BRCA1: variants seen among roughly 807,000 people sequenced by gnomAD.
BRCA1 encodes BRCA1 DNA repair associated.
Under a neutral mutation model 173.7 loss-of-function variants are expected in BRCA1, and 140 were observed. That is an observed-to-expected ratio of 0.81 (90% CI 0.70 to 0.93). The LOEUF is 0.93. Ranked by LOEUF, BRCA1 falls within the 40% of genes least tolerant of loss-of-function variation. The probability of loss-of-function intolerance (pLI) is 0.00; values close to 1 mark genes in which losing one functional copy is unlikely to be tolerated. For synonymous variants in BRCA1, 662 were observed against 756.0 expected (o/e 0.88, Z 2.04); for missense variants, 1,983 against 2,172.5 (o/e 0.91, Z 1.73).
rs56214134 is a variant in BRCA1, at chr17:43,091,931, C to G, written c.3600G>C (p.Gln1200His). ...PSPFTHTHLA[Q>H]GYRRGAKKLE... Reference sequence around the variant, plus strand: ...ATTTCTTGGCCCCTCTTCGGTAACCCTGAGCCAAATGTGTATGGGTGAAAG... The same window carrying G: ...ATTTCTTGGCCCCTCTTCGGTAACCGTGAGCCAAATGTGTATGGGTGAAAG... The change falls in exon 10 of 23, where the codon CAG becomes CAC. Residue 1200 changes from glutamine to histidine, a missense_variant. By Grantham distance (24) the Gln-to-His change is conservative (BLOSUM62 0). Coordinates refer to ENST00000357654, the MANE Select transcript of BRCA1 (RefSeq NM_007294.4). 347 of 1,614,128 alleles carry G rather than the reference C, an allele frequency of 2.1e-4. 3 individuals are homozygous for G. In the African/African-American group the frequency reaches 4.4e-3, roughly 20 times the overall value.
intron 15 of BRCA1, among the ~76,000 whole-genome samples, chr17:43,067,929 C>T (rs1216161702): frequency 7.3e-6 from 1 of 136,122 alleles, no homozygotes; most frequent in East Asian, 2.2e-4. Context: ...ACCAGTTATC[C>T]TAGCTTTAAG....
intron 1 of BRCA1, chr17:43,124,758 TTTTG>T: frequency 4.9e-6 from 1 of 204,842 alleles, no homozygotes; most frequent in East Asian, 1.4e-4. Flanking sequence ...TTTTGTTTTG[TTTTG>T]TTTTGTTTTG....
chr17:43,087,084 T>C (rs2053256833), intron 11 of BRCA1, among the ~76,000 whole-genome samples: 2 of 152,322 alleles, frequency 1.3e-5, no homozygotes, highest in South Asian at 4.1e-4. Flanking sequence ...AACTATCATA[T>C]ACCACAGGGG....
At chr17:43,088,577 A>C (rs2053320449) in intron 11 of BRCA1, among the ~76,000 whole-genome samples, 2 of 152,174 alleles carry the variant, frequency 1.3e-5, no homozygotes, top group African/African-American at 4.8e-5. Flanking sequence ...TAAGTTTTCT[A>C]TGATGCACAT....
intron 12 of BRCA1, among the ~76,000 whole-genome samples, chr17:43,077,419 C>T (rs1167504809): frequency 1.3e-5 from 2 of 152,066 alleles, no homozygotes; most frequent in Admixed American, 6.6e-5. Context: ...CAACCTCCAC[C>T]TCCTGGGTTC....
At chr17:43,166,040 A>G (rs1350864390) in intron 1 of BRCA1, 2 of 151,058 alleles carry the variant, frequency 1.3e-5, no homozygotes, top group African/African-American at 4.9e-5. Flanking sequence ...TTTTTTTCTT[A>G]ACTTTGTATC....
chr17:43,127,514 G>A (rs2055920781), upstream of BRCA1, among the ~76,000 whole-genome samples: 1 of 151,998 alleles, frequency 6.6e-6, no homozygotes, highest in Non-Finnish European at 1.5e-5. Context: ...GTTTGTAAAC[G>A]CACCAATCAG....
intron 1 of BRCA1, chr17:43,139,700 C>A (rs1349648989): frequency 2.8e-6 from 1 of 358,912 alleles, no homozygotes; most frequent in African/African-American, 2.1e-5. Context: ...CCACCCTTCA[C>A]CCTCAGGTAG....
intron 12 of BRCA1, among the ~76,000 whole-genome samples, chr17:43,080,384 A>G (rs1423314708): frequency 6.6e-6 from 1 of 152,142 alleles, no homozygotes; most frequent in East Asian, 1.9e-4. Flanking sequence ...TTTAGTAGAG[A>G]TGTGGTTTCT....
chr17:43,098,030 C>CT (rs35771473), intron 7 of BRCA1, among the ~76,000 whole-genome samples: 41,816 of 135,160 alleles, frequency 0.31, 6,768 homozygotes, highest in South Asian at 0.5. Context: ...CTCAGCAGCT[C>CT]TTTTTTTTTT....
At chr17:43,071,321 A>C in intron 14 of BRCA1, 83 bp from the exon 15 acceptor site, 1 of 1,500,674 alleles carries the variant, frequency 6.7e-7, no homozygotes, top group East Asian at 2.3e-5. Flanking sequence ...AATTAAAAAG[A>C]CCAATAAAGT....
Position 43,045,699 on chromosome 17 carries a change from C to A in BRCA1, c.5571G>T (p.Gln1857His), listed in dbSNP as rs28897699. 3.1e-6 allele frequency: 5 copies of A among 1,613,524 alleles called. No individual in the cohort carries two copies. Among genetic ancestry groups the A allele is most frequent in the Non-Finnish European group, 4.2e-6 (5 of 1,179,812 alleles). ...GCAGTCAGTAGTGGCTGTGGGGGAT[C>A]TGGGGTATCAGGTAGGTGTCCAGCT... ...CQELDTYLIP[Q>H]IPHSHY Residue 1857 changes from glutamine (Q) to histidine (H), a missense_variant, in exon 23 of 23, where the codon CAG becomes CAT. Coordinates refer to ENST00000357654, the MANE Select transcript of BRCA1 (RefSeq NM_007294.4).
At chr17:43,156,315 C>T (rs900960101) in intron 1 of BRCA1, among the ~76,000 whole-genome samples, 3 of 152,054 alleles carry the variant, frequency 2.0e-5, no homozygotes, top group African/African-American at 7.2e-5. Flanking sequence ...TAATACTACT[C>T]TTGTAATCAT....
chr17:43,104,711 A>C (rs1198425846), intron 5 of BRCA1, among the ~76,000 whole-genome samples, 157 bp downstream of exon 5: 1 of 152,250 alleles, frequency 6.6e-6, no homozygotes, highest in Non-Finnish European at 1.5e-5. Flanking sequence ...GTGTGAGACC[A>C]GTGGGAGTAA....
intron 12 of BRCA1, chr17:43,079,884 T>C: frequency 1.5e-6 from 1 of 651,720 alleles, no homozygotes; most frequent in South Asian, 1.7e-5. Context: ...CTTACTACAA[T>C]GGGCCTCATG....
intron 11 of BRCA1, among the ~76,000 whole-genome samples, chr17:43,087,148 A>G (rs764211700): frequency 1.3e-5 from 2 of 152,224 alleles, no homozygotes; most frequent in Non-Finnish European, 2.9e-5. Context: ...AGTAACATGT[A>G]TCAAACACCA....
chr17:43,124,257 G>T, intron 1 of BRCA1, 142 bp from the exon 2 acceptor site: 1 of 584,690 alleles, frequency 1.7e-6, no homozygotes, highest in Non-Finnish European at 3.0e-6. Flanking sequence ...TAATGACAAC[G>T]TCCTTTATTT....
rs771382888 is a variant in BRCA1 at position 43,104,072 on chromosome 17, AAAAAAAAAGAAAAGAAG to A, written c.441+33_441+49del. The A allele has an allele frequency of 6.2e-5, 97 of 1,556,278 alleles. No homozygotes were observed. The highest frequency in any genetic ancestry group is 1.8e-4 in the East Asian group (8 of 44,404). ...GACTCCATCTCAAAAAAAAAAAAGA[AAAAAAAAAGAAAAGAAG>A]AAGAAGAAGAAGAAGAAAACAAATG... On this transcript the variant is annotated intron_variant, in intron 6 of 22. Transcript: ENST00000357654.
chr17:43,083,052 T>A (rs1325266367), intron 11 of BRCA1, among the ~76,000 whole-genome samples: 1 of 152,188 alleles, frequency 6.6e-6, no homozygotes, highest in Non-Finnish European at 1.5e-5. Flanking sequence ...CCTCTATCTA[T>A]GGCATTTTAT....
Sources: allele counts gnomAD v4.1 joint callset (sites outside exome capture counted in the v4.1 genomes callset), GRCh38; gene constraint gnomAD v4.1.1; transcripts MANE v1.5; gene names NCBI Gene and HGNC (gene_info 2026-07-23, HGNC 2026-07-21).